Variants in ZNF521 observed in about 807,000 individuals in gnomAD.
ZNF521 encodes the protein zinc finger protein 521.
Under a neutral mutation model 105.5 loss-of-function variants are expected in ZNF521, and 14 were observed. That is an observed-to-expected ratio of 0.13 (90% confidence interval 0.09 to 0.21). ZNF521 has a LOEUF of 0.21. ZNF521 is among the 10% of genes least tolerant of loss of function. ZNF521 has a pLI of 1.00. For missense variants in ZNF521, 1,233 were observed against 1,629.7 expected, an observed-to-expected ratio of 0.76 and a Z score of 4.19; for synonymous variants, 635 against 606.0, an observed-to-expected ratio of 1.05 and a Z score of -0.70.
At chr18:25,071,637 G>C (rs1484735410) in intron 7 of ZNF521, among the ~76,000 whole-genome samples, 1 of 152,098 alleles carries the variant, frequency 6.6e-6, no homozygotes, top group Non-Finnish European at 1.5e-5. Context: ...CTGGGGGTTG[G>C]GGGTGGTACA....
chr18:25,290,980 G>A (rs767840437), intron 3 of ZNF521, among the ~76,000 whole-genome samples: 4 of 152,042 alleles, frequency 2.6e-5, no homozygotes, highest in Non-Finnish European at 4.4e-5. Context: ...TGATTTAGAC[G>A]AAATATAAAG....
At chr18:25,339,976 G>A (rs1337177266) in intron 2 of ZNF521, among the ~76,000 whole-genome samples, 1 of 152,208 alleles carries the variant, frequency 6.6e-6, no homozygotes, top group Non-Finnish European at 1.5e-5. Context: ...ACATGCTGCT[G>A]CAGGAAAAGA....
intron 3 of ZNF521, among the ~76,000 whole-genome samples, chr18:25,228,199 A>C (rs1318714050): frequency 2.0e-5 from 3 of 152,226 alleles, no homozygotes; most frequent in Non-Finnish European, 4.4e-5. Context: ...TTTTATATAA[A>C]AAGGCAATTC....
intron 5 of ZNF521, among the ~76,000 whole-genome samples, chr18:25,194,703 T>C (rs927978638): frequency 6.6e-6 from 1 of 151,730 alleles, no homozygotes; most frequent in Non-Finnish European, 1.5e-5. Flanking sequence ...AACTATTTTA[T>C]GGCTATTTAA....
chr18:25,289,839 C>T (rs972094573), intron 3 of ZNF521, among the ~76,000 whole-genome samples: 1 of 152,176 alleles, frequency 6.6e-6, no homozygotes, highest in African/African-American at 2.4e-5. Flanking sequence ...AACTTCCGCA[C>T]ACAATAAAAG....
At position 25,224,365 on chromosome 18, in the gene ZNF521, T is replaced by G; in HGVS notation, c.3553A>C (p.Ser1185Arg). The change falls in exon 4 of 8, where the codon AGT (serine) becomes CGT (arginine). Residue 1185 changes from serine (S) to arginine (R), a missense_variant. By Grantham distance (110) the Ser-to-Arg change is moderately radical. Around this residue, in one of 6 missense-constraint regions of ZNF521, gnomAD observed 614 missense variants for 751.5 expected, o/e 0.82. Transcript: ENST00000361524. ...GTTACCTCATCCGACTGGGAGGGACTGATTCTGGGCATTGGTGATACTTGG... is the reference window on the plus strand; with the variant it reads ...GTTACCTCATCCGACTGGGAGGGACGGATTCTGGGCATTGGTGATACTTGG... Reference protein sequence around the residue: ...TPQVSPMPRISPSQSDEKKTY... With the variant: ...TPQVSPMPRIRPSQSDEKKTY... 1 of 1,612,406 alleles carries G rather than the reference T, an allele frequency of 6.2e-7. No individual in the cohort carries two copies. The highest frequency in any genetic ancestry group is 1.3e-5 in the African/African-American group (1 of 74,900).
intron 5 of ZNF521, among the ~76,000 whole-genome samples, chr18:25,125,342 G>A (rs2034518826): frequency 1.3e-5 from 2 of 152,006 alleles, no homozygotes; most frequent in Admixed American, 6.6e-5. Context: ...ACACTTTTCA[G>A]TTTATAGAAC....
chr18:25,098,629 G>C (rs2033902846), intron 5 of ZNF521, among the ~76,000 whole-genome samples: 1 of 152,124 alleles, frequency 6.6e-6, no homozygotes, highest in African/African-American at 2.4e-5. Flanking sequence ...TGAGGACTGA[G>C]ACCAACTAAG....
intron 3 of ZNF521, among the ~76,000 whole-genome samples, chr18:25,306,058 A>C (rs988708314): frequency 6.6e-6 from 1 of 152,240 alleles, no homozygotes; most frequent in African/African-American, 2.4e-5. Flanking sequence ...TTTGCAATTT[A>C]GTCAGCCATT....
At chr18:25,211,904 A>G (rs1216813922) in intron 4 of ZNF521, among the ~76,000 whole-genome samples, 4 of 152,166 alleles carry the variant, frequency 2.6e-5, no homozygotes, top group Non-Finnish European at 5.9e-5. Context: ...TAGAGATTCA[A>G]TTTTATTTTA....
intron 5 of ZNF521, among the ~76,000 whole-genome samples, chr18:25,116,868 TAC>T (rs914238502): frequency 3.4e-5 from 3 of 88,260 alleles, no homozygotes; most frequent in East Asian, 2.6e-4. Flanking sequence ...CATATATATA[TAC>T]GTATATATAT....
chr18:25,072,979 G>A (rs1315518147), intron 7 of ZNF521, among the ~76,000 whole-genome samples: 2 of 152,068 alleles, frequency 1.3e-5, no homozygotes, highest in Non-Finnish European at 2.9e-5. Flanking sequence ...CATGAACAGT[G>A]CCCCTTCTTC....
chr18:25,275,028 T>C (rs1211915867), intron 3 of ZNF521, among the ~76,000 whole-genome samples: 1 of 152,154 alleles, frequency 6.6e-6, no homozygotes, highest in Non-Finnish European at 1.5e-5. Context: ...TTACAAACCT[T>C]ATCTGGGCTT....
intron 7 of ZNF521, 54 bp downstream of exon 7, chr18:25,089,411 T>A: frequency 1.5e-6 from 2 of 1,356,168 alleles, no homozygotes; most frequent in Non-Finnish European, 1.1e-6. Context: ...TGCCCCTGTT[T>A]ACTATAAGAA....
chr18:25,240,371 A>C (rs1242152326), intron 3 of ZNF521, among the ~76,000 whole-genome samples: 1 of 152,142 alleles, frequency 6.6e-6, no homozygotes, highest in Non-Finnish European at 1.5e-5. Flanking sequence ...CTATAAGGAA[A>C]AACAACAACA....
intron 5 of ZNF521, among the ~76,000 whole-genome samples, chr18:25,119,341 T>C (rs1453908080): frequency 6.6e-6 from 1 of 152,068 alleles, no homozygotes; most frequent in Non-Finnish European, 1.5e-5. Context: ...CTACAGAACA[T>C]TATACTCAAC....
At chr18:25,212,280 G>C (rs555570749) in intron 4 of ZNF521, among the ~76,000 whole-genome samples, 33 of 151,556 alleles carry the variant, frequency 2.2e-4, no homozygotes, top group African/African-American at 5.6e-4. Flanking sequence ...GGGAGGCCAA[G>C]GTGGGCAGAT....
chr18:25,216,317 G>C (rs1055834729), intron 4 of ZNF521, among the ~76,000 whole-genome samples: 1 of 152,172 alleles, frequency 6.6e-6, no homozygotes, highest in African/African-American at 2.4e-5. Flanking sequence ...ACTTTGGATT[G>C]TTACAAACTT....
chr18:25,305,199 T>C (rs796375929), intron 3 of ZNF521, among the ~76,000 whole-genome samples: 11 of 152,342 alleles, frequency 7.2e-5, no homozygotes, highest in African/African-American at 2.6e-4. Context: ...CTATTATAGC[T>C]AGACCAATTC....
Sources: gnomAD v4.1 joint callset for allele counts (sites outside exome capture counted in the v4.1 genomes callset) on GRCh38, gnomAD v4.1.1 for gene constraint, gnomAD v4.1.1 regional missense constraint, MANE v1.5 for transcripts, NCBI Gene and HGNC (gene_info 2026-07-23, HGNC 2026-07-21) for gene names.